ADAMTS19: variants seen among roughly 807,000 people sequenced by gnomAD.
ADAMTS19 encodes A disintegrin and metalloproteinase with thrombospondin motifs 19.
A neutral mutation model predicts 153.3 loss-of-function variants in ADAMTS19; 93 were observed. The observed-to-expected ratio is 0.61, with a 90% confidence interval of 0.51 to 0.72. The LOEUF is 0.72. Among genes scored for constraint, ADAMTS19 ranks in the 30% least tolerant of loss-of-function variants. The pLI is 0.00. For missense variants in ADAMTS19, 1,482 were observed against 1,552.1 expected, an observed-to-expected ratio of 0.95 and a Z score of 0.76; for synonymous variants, 600 against 556.6, an observed-to-expected ratio of 1.08 and a Z score of -1.10.
chr5:129,608,140 A>ATAT (rs1164899419), intron 8 of ADAMTS19, among the ~76,000 whole-genome samples: 10 of 132,902 alleles, frequency 7.5e-5, no homozygotes, highest in East Asian at 4.4e-4. Flanking sequence ...ATATATATAT[A>ATAT]ATGGAACATT....
intron 6 of ADAMTS19, among the ~76,000 whole-genome samples, chr5:129,532,452 CAAT>C (rs1752243828): frequency 6.6e-6 from 1 of 152,046 alleles, no homozygotes; most frequent in Non-Finnish European, 1.5e-5. Flanking sequence ...TGAAAATACT[CAAT>C]GATGGTGAGG....
intron 21 of ADAMTS19, among the ~76,000 whole-genome samples, chr5:129,726,671 A>G (rs7735351): frequency 0.51 from 78,164 of 151,870 alleles, 21,477 homozygotes; most frequent in Non-Finnish European, 0.62. Flanking sequence ...ATAAAACTAT[A>G]TAGTGCATAT....
Position 129,730,865 on chromosome 5 carries a change from T to C in ADAMTS19, c.3313-4067T>C, listed in dbSNP as rs1254834249. On this transcript the variant is annotated intron_variant, in intron 21 of 22. Transcript: ENST00000274487. ...TTTATAAATATTGCATAAATATGCA[T>C]AGGTAGTTAGGATAATGTGGAAGCT... is the stretch of plus-strand genomic sequence containing the variant. 3.3e-5 allele frequency among the ~76,000 whole-genome samples: 5 copies of C among 152,266 alleles called. No individual in the cohort carries two copies. In the East Asian group the frequency reaches 9.6e-4, roughly 29 times the overall value.
intron 2 of ADAMTS19, among the ~76,000 whole-genome samples, chr5:129,475,659 C>T (rs1186718631): frequency 1.3e-5 from 2 of 152,102 alleles, no homozygotes; most frequent in African/African-American, 2.4e-5. Flanking sequence ...ATGGCGAAAC[C>T]CCATCTGTAC....
chr5:129,635,948 G>A (rs955158124), intron 10 of ADAMTS19, among the ~76,000 whole-genome samples: 6 of 152,122 alleles, frequency 3.9e-5, no homozygotes, highest in Non-Finnish European at 7.4e-5. Context: ...CCAGGTTGGA[G>A]TGCAGTGGCA....
At chr5:129,658,315 AAGAAAGAAAGAAAGAAAGAAAG>A (rs1561632152) in intron 14 of ADAMTS19, among the ~76,000 whole-genome samples, 9 of 39,144 alleles carry the variant, frequency 2.3e-4, no homozygotes, top group Non-Finnish European at 5.1e-4. Context: ...AAGAAAAAGA[AAGAAAGAAAGAAAGAAAGAAAG>A]AAAGAAAGAA....
Position 129,606,504 on chromosome 5 carries a change from C to T in ADAMTS19, c.1478+9840C>T, listed in dbSNP as rs141296906. ...TTCTGGCTTGGACTCTTGCAGTATC[C>T]ACTTAACTGGTGTCGTCTCCTTTGC... On this transcript the variant is annotated intron_variant, in intron 8 of 22. Coordinates refer to ENST00000274487, the MANE Select transcript of ADAMTS19 (RefSeq NM_133638.6). Among the ~76,000 whole-genome samples the T allele has an allele frequency of 2.5e-3, 387 of 152,288 alleles. 3 individuals are homozygous for T. The highest frequency in any genetic ancestry group is 7.3e-3 in the African/African-American group (305 of 41,574).
At chr5:129,633,672 T>G (rs945901818) in intron 10 of ADAMTS19, among the ~76,000 whole-genome samples, 1 of 152,190 alleles carries the variant, frequency 6.6e-6, no homozygotes, top group Non-Finnish European at 1.5e-5. Context: ...TTCTGTTATA[T>G]TCCTTCAAAG....
chr5:129,522,314 T>C lies in ADAMTS19; in HGVS notation c.914-3970T>C, dbSNP rs1180533918. On this transcript the variant is annotated intron_variant, in intron 3 of 22. Coordinates refer to ENST00000274487, the MANE Select transcript of ADAMTS19 (RefSeq NM_133638.6). ...GTGTGTGTGTGTATATATATATATA[T>C]ATACACACACACACACACATATATA... 5.7e-3 allele frequency among the ~76,000 whole-genome samples: 537 copies of C among 94,388 alleles called. 2 individuals are homozygous for C. Among genetic ancestry groups the C allele is most frequent in the Non-Finnish European group, 7.0e-3 (360 of 51,650 alleles). The allele number at this position is 94,388 out of a possible 152,430, so 61.9% of individuals were successfully genotyped here. A position where few individuals can be genotyped will look rare whatever the true frequency, so the allele number is the denominator to read the frequency against.
In ADAMTS19 at chr5:129,665,580, G is replaced by A. The variant is rs1379348251; in HGVS notation, c.2506+1G>A. ...GAAAAGCCGGCACATAGCTATTTAG[G>A]TAACCTGTGTTACAGACACAGAGAA... On this transcript the variant is annotated splice_donor_variant, in intron 16 of 22. Coordinates refer to ENST00000274487, the MANE Select transcript of ADAMTS19 (RefSeq NM_133638.6). LOFTEE classifies it high-confidence loss of function. The A allele has an allele frequency of 6.2e-7, 1 of 1,606,424 alleles. No individual in the cohort carries two copies. The highest frequency in any genetic ancestry group is 8.5e-7 in the Non-Finnish European group (1 of 1,174,784).
intron 7 of ADAMTS19, among the ~76,000 whole-genome samples, chr5:129,571,474 C>G (rs1257038799): frequency 6.6e-6 from 1 of 151,404 alleles, no homozygotes; most frequent in Non-Finnish European, 1.5e-5. Flanking sequence ...TTTAACCAAA[C>G]AGGTACAAAA....
At chr5:129,569,437 T>C (rs1428167606) in intron 7 of ADAMTS19, among the ~76,000 whole-genome samples, 1 of 152,042 alleles carries the variant, frequency 6.6e-6, no homozygotes, top group Non-Finnish European at 1.5e-5. Context: ...AACAGGAACT[T>C]AACAGTGATA....
At chr5:129,535,016 C>T (rs560377149) in intron 6 of ADAMTS19, among the ~76,000 whole-genome samples, 248 of 152,262 alleles carry the variant, frequency 1.6e-3, no homozygotes, top group Admixed American at 5.0e-3. Flanking sequence ...GACAGGGATG[C>T]CCTCTCTCAC....
chr5:129,623,784 G>C (rs1183820737), intron 10 of ADAMTS19, among the ~76,000 whole-genome samples: 1 of 151,984 alleles, frequency 6.6e-6, no homozygotes, highest in African/African-American at 2.4e-5. Flanking sequence ...GAATTAAAAT[G>C]AGTGAATGTA....
chr5:129,716,882 C>T (rs10075626), intron 21 of ADAMTS19, among the ~76,000 whole-genome samples: 1 of 152,076 alleles, frequency 6.6e-6, no homozygotes. Flanking sequence ...TGGCTCAAAG[C>T]TTTCTGTATT....
intron 21 of ADAMTS19, among the ~76,000 whole-genome samples, chr5:129,710,287 G>A (rs1213568535): frequency 6.6e-6 from 1 of 152,102 alleles, no homozygotes; most frequent in Non-Finnish European, 1.5e-5. Context: ...CCATGTCCCT[G>A]TAAAAGACAT....
chr5:129,727,944 C>G (rs531309313), intron 21 of ADAMTS19, among the ~76,000 whole-genome samples: 31 of 152,176 alleles, frequency 2.0e-4, no homozygotes, highest in Admixed American at 2.0e-3. Flanking sequence ...TTATAAGTCA[C>G]AGGATGAGAT....
intron 21 of ADAMTS19, among the ~76,000 whole-genome samples, chr5:129,709,917 T>C (rs1289866941): frequency 6.6e-6 from 1 of 152,156 alleles, no homozygotes; most frequent in Non-Finnish European, 1.5e-5. Flanking sequence ...ATTAATAGGC[T>C]GTAGGCTCAT....
At position 129,701,482 on chromosome 5, in the gene ADAMTS19, A is replaced by G. The variant is rs1425998581; in HGVS notation, c.3049A>G (p.Thr1017Ala). 1.9e-6 allele frequency: 3 copies of G among 1,614,196 alleles called. No individual in the cohort carries two copies. In the East Asian group the frequency reaches 6.7e-5, roughly 36 times the overall value. The change falls in exon 20 of 23, where the codon ACA (threonine) becomes GCA (alanine). Residue 1017 changes from threonine to alanine, a missense_variant. Thr to Ala is a moderately conservative substitution (Grantham distance 58). Coordinates refer to ENST00000274487, the MANE Select transcript of ADAMTS19 (RefSeq NM_133638.6). The stretch of plus-strand genomic sequence containing the variant: ...CTGTACCCAACAACTGAGCAATGGA[A>G]CACTGATTAGAGCCCGAGAGAGGGA... ...VACTQQLSNG[T>A]LIRARERDCI...
Sources: allele counts gnomAD v4.1 joint callset (sites outside exome capture counted in the v4.1 genomes callset), GRCh38; gene constraint gnomAD v4.1.1; transcripts MANE v1.5; gene names NCBI Gene and HGNC (gene_info 2026-07-23, HGNC 2026-07-21).